The following EPS15L1 variants were observed in gnomAD, a reference collection of about 807,000 sequenced individuals.
EPS15L1 encodes the protein epidermal growth factor receptor substrate 15-like 1.
Under a neutral mutation model 117.1 loss-of-function variants are expected in EPS15L1, and 43 were observed. The observed-to-expected ratio is 0.37, with a 90% CI of 0.29 to 0.47. The LOEUF (loss-of-function observed/expected upper bound fraction) is 0.47, where lower values mean the gene tolerates loss of function less well. Among genes scored for constraint, EPS15L1 ranks in the 20% least tolerant of loss-of-function variants. The pLI, the probability that EPS15L1 is intolerant of heterozygous loss-of-function variation, is 0.99. For synonymous variants in EPS15L1, 459 were observed against 470.5 expected, an observed-to-expected ratio of 0.98 and a Z score of 0.32; for missense variants, 981 against 1,164.0, an observed-to-expected ratio of 0.84 and a Z score of 2.29.
rs149574362 is a variant in EPS15L1 at position 16,403,839 on chromosome 19, C to T, written c.1520G>A (p.Arg507Gln). The T allele has an allele frequency of 3.0e-4, 487 of 1,614,190 alleles. 1 individual carries two copies. In the East Asian group the frequency reaches 3.9e-3, roughly 13 times the overall value. ...DLNRAKSELN[R>Q]LQQEETQLEQ... Reference sequence around the variant, plus strand: ...CAGCTGGGTTTCCTCCTGCTGCAATCGGTTCAGCTCCGACTTGGCTCGGTT... The same window carrying T: ...CAGCTGGGTTTCCTCCTGCTGCAATTGGTTCAGCTCCGACTTGGCTCGGTT... The change falls in exon 15 of 24, where the codon CGA becomes CAA. Residue 507 changes from arginine to glutamine, a missense_variant. Physicochemically the swap from Arg to Gln is conservative, Grantham distance 43 (BLOSUM62 1). Transcript: ENST00000455140.
intron 21 of EPS15L1, among the ~76,000 whole-genome samples, chr19:16,380,546 A>G (rs1414068262): frequency 6.6e-6 from 1 of 151,912 alleles, no homozygotes; most frequent in African/African-American, 2.4e-5. Flanking sequence ...GCGTCCAGTC[A>G]CACCGACGTG....
rs79576962 is a variant in EPS15L1, at chr19:16,404,187, C to T, written c.1429-257G>A. Among the ~76,000 whole-genome samples, 686 of 152,294 alleles carry T rather than the reference C, an allele frequency of 4.5e-3. 17 individuals are homozygous for T. In the East Asian group the frequency reaches 0.047, roughly 10 times the overall value. On this transcript the variant is annotated intron_variant, in intron 14 of 23. Transcript: ENST00000455140. This position sits in a 1 kb window ranked among gnomAD's most constrained non-coding sequence, Gnocchi z 4.2. ...GAATAATGAGGGGCATGACCAAGCA[C>T]GAACAATCTGTCCATCCCCCCAGAG...
chr19:16,444,063 C>CAAAAAA (rs545605173), intron 1 of EPS15L1, among the ~76,000 whole-genome samples: 1 of 37,688 alleles, frequency 2.7e-5, no homozygotes, highest in African/African-American at 1.1e-4. Context: ...GACTCCGTCT[C>CAAAAAA]AAAAAAAAAA....
At position 16,448,938 on chromosome 19, in the gene EPS15L1, A is replaced by C. The variant is rs59869950; in HGVS notation, c.34-6719T>G. Among the ~76,000 whole-genome samples, 278 of 152,276 alleles carry C rather than the reference A, an allele frequency of 1.8e-3. 5 individuals carry two copies. The East Asian group carries it at 0.048, about 26-fold the overall frequency. On this transcript the variant is annotated intron_variant, in intron 1 of 23. Transcript: ENST00000455140. The stretch of plus-strand genomic sequence containing the variant: ...CTACTATCTAAAATATATACTAGAG[A>C]GCTCTCAAATTCAACAGCATAAAAA...
chr19:16,358,080 A>G (rs985592020), intron 23 of EPS15L1: 2 of 152,676 alleles, frequency 1.3e-5, no homozygotes, highest in Non-Finnish European at 2.9e-5. Context: ...GCCTGGAACG[A>G]CCAAGTAACC....
chr19:16,393,082 TAATAATAATA>T (rs1819639333), intron 18 of EPS15L1, among the ~76,000 whole-genome samples: 2 of 2,752 alleles, frequency 7.3e-4, no homozygotes, highest in Admixed American at 8.8e-3. Flanking sequence ...CTGGATATAA[TAATAATAATA>T]ATAATAATAA....
Position 16,471,928 on chromosome 19 carries a change from G to C in EPS15L1, c.18C>G (p.Ile6Met). 1.5e-6 allele frequency: 2 copies of C among 1,295,792 alleles called. No homozygotes were observed. The highest frequency in any genetic ancestry group is 9.8e-7 in the Non-Finnish European group (1 of 1,023,506). 80.3% of individuals were successfully genotyped at this position (1,295,792 alleles called of 1,614,324 possible). A position where few individuals can be genotyped will look rare whatever the true frequency, so the allele number is the denominator to read the frequency against. MAAPL[I>M]PLSQQIPTGN... ...CGGCCCGTACCTGCTGGGAGAGGGG[G>C]ATGAGCGGCGCCGCCATCTTCCCGC... is the stretch of plus-strand genomic sequence containing the variant. The change falls in exon 1 of 24, where the codon ATC becomes ATG. Residue 6 changes from isoleucine (I) to methionine (M), a missense_variant. Physicochemically the swap from Ile to Met is conservative, Grantham distance 10 (BLOSUM62 1). Transcript: ENST00000455140. This position sits in a 1 kb window ranked among gnomAD's most constrained non-coding sequence, Gnocchi z 4.8.
In EPS15L1 at chr19:16,440,894, C is replaced by T. The variant is rs1270900617; in HGVS notation, c.181G>A (p.Asp61Asn). The part of the protein sequence containing the change: ...IILGKIWDLA[D>N]PEGKGFLDKQ... ...TCCAAGAACCCTTTACCTTCTGGAT[C>T]GGCCAAGTCCCATATCTGCGGAAAC... The change falls in exon 4 of 24, where the codon GAT becomes AAT. Residue 61 changes from aspartate (D) to asparagine (N), a missense_variant. By Grantham distance (23) the Asp-to-Asn change is conservative (BLOSUM62 1). This residue lies in a region of EPS15L1 where 62 missense variants were observed against 104.2 expected (regional missense o/e 0.59). Coordinates refer to ENST00000455140, the MANE Select transcript of EPS15L1 (RefSeq NM_001258374.3). The T allele has an allele frequency of 9.3e-6, 15 of 1,614,000 alleles. No homozygotes were observed. The South Asian group carries it at 1.1e-4, about 12-fold the overall frequency.
intron 19 of EPS15L1, among the ~76,000 whole-genome samples, chr19:16,389,391 T>C (rs2144759840): frequency 6.6e-6 from 1 of 152,068 alleles, no homozygotes; most frequent in Admixed American, 6.6e-5. Flanking sequence ...GAGGTTGAGG[T>C]TGCAGTAAGC....
intron 7 of EPS15L1, among the ~76,000 whole-genome samples, chr19:16,431,108 G>T (rs1348231060): frequency 6.6e-6 from 1 of 151,700 alleles, no homozygotes; most frequent in Non-Finnish European, 1.5e-5. Context: ...GCGTGATGGG[G>T]TGCACCCGTG....
chr19:16,422,373 G>A (rs889064540), intron 9 of EPS15L1, among the ~76,000 whole-genome samples: 6 of 152,198 alleles, frequency 3.9e-5, no homozygotes, highest in African/African-American at 9.6e-5. Context: ...CACAGTTCAC[G>A]GCATCTGTGT....
At chr19:16,436,796 G>A (rs17709957) in intron 6 of EPS15L1, 141 bp downstream of exon 6, 18,074 of 652,904 alleles carry the variant, frequency 0.028, 378 homozygotes, top group Non-Finnish European at 0.035. Flanking sequence ...CTCACACTGA[G>A]ACAGAAGAGC....
intron 22 of EPS15L1, among the ~76,000 whole-genome samples, chr19:16,374,523 C>T (rs930299292): frequency 6.6e-6 from 1 of 152,094 alleles, no homozygotes; most frequent in African/African-American, 2.4e-5. Flanking sequence ...TTTCTGCTTT[C>T]GAAGCCCACA....
At chr19:16,401,232 G>T (rs932636335) in intron 16 of EPS15L1, 1 of 985,548 alleles carries the variant, frequency 1.0e-6, no homozygotes, top group Non-Finnish European at 1.2e-6. Context: ...AGAGACAGAT[G>T]AGCTCGCCAG....
At chr19:16,458,393 C>T (rs1012264665) in intron 1 of EPS15L1, among the ~76,000 whole-genome samples, 5 of 152,114 alleles carry the variant, frequency 3.3e-5, no homozygotes, top group Admixed American at 2.6e-4. Context: ...AGAGCAAATG[C>T]ACAGCAGGGG....
intron 6 of EPS15L1, among the ~76,000 whole-genome samples, chr19:16,436,122 G>C (rs2092975725): frequency 6.6e-6 from 1 of 152,112 alleles, no homozygotes; most frequent in Non-Finnish European, 1.5e-5. Flanking sequence ...TCCTCTCCCT[G>C]CACAGATACC....
At chr19:16,378,109 C>T (rs1479996550) in intron 21 of EPS15L1, among the ~76,000 whole-genome samples, 4 of 151,348 alleles carry the variant, frequency 2.6e-5, no homozygotes, top group Non-Finnish European at 5.9e-5. Context: ...GAATGAATGG[C>T]GGGTGGGTGG....
chr19:16,369,963 C>A (rs888583120), intron 22 of EPS15L1, among the ~76,000 whole-genome samples: 15 of 152,326 alleles, frequency 9.8e-5, no homozygotes, highest in African/African-American at 2.9e-4. Flanking sequence ...GGGGGCCCAG[C>A]TTTGTTCCTC....
rs139252408 is a variant in EPS15L1 at position 16,432,020 on chromosome 19, T to C, written c.498+2345A>G. Among the ~76,000 whole-genome samples, 44 of 152,290 alleles carry C rather than the reference T, an allele frequency of 2.9e-4. No homozygotes were observed. In the East Asian group the frequency reaches 7.1e-3, roughly 25 times the overall value. On this transcript the variant is annotated intron_variant, in intron 7 of 23. Transcript: ENST00000455140. ...CCGACTTTTGTATGTGCAGGACTGA[T>C]TGCAGGACTTGAGTATGCGTACATT... is the stretch of plus-strand genomic sequence containing the variant.
Sources: allele counts gnomAD v4.1 joint callset (sites outside exome capture counted in the v4.1 genomes callset), GRCh38; gene constraint gnomAD v4.1.1; regional missense constraint gnomAD v4.1.1; non-coding constraint Gnocchi (gnomAD v3.1); transcripts MANE v1.5; gene names NCBI Gene and HGNC (gene_info 2026-07-23, HGNC 2026-07-21).